PTPRM: variants seen among roughly 807,000 people sequenced by gnomAD.
PTPRM encodes receptor-type tyrosine-protein phosphatase mu.
Under a neutral mutation model 186.7 loss-of-function variants are expected in PTPRM, and 47 were observed. The ratio of observed to expected loss-of-function variants is 0.25; its 90% confidence interval spans 0.20 to 0.32. PTPRM has a LOEUF of 0.32. Among genes scored for constraint, PTPRM ranks in the 10% least tolerant of loss-of-function variants. The pLI is 1.00. For synonymous variants in PTPRM, 668 were observed against 674.9 expected, an observed-to-expected ratio of 0.99 and a Z score of 0.16; for missense variants, 1,494 against 1,865.0, an observed-to-expected ratio of 0.80 and a Z score of 3.66.
chr18:7,667,241 C>A (rs2039116819), intron 1 of PTPRM, among the ~76,000 whole-genome samples: 1 of 152,238 alleles, frequency 6.6e-6, no homozygotes, highest in African/African-American at 2.4e-5. Flanking sequence ...GAATATGAAG[C>A]AGCAGGAAAA....
chr18:8,181,893 G>A (rs1485366790), intron 14 of PTPRM, among the ~76,000 whole-genome samples: 1 of 152,070 alleles, frequency 6.6e-6, no homozygotes, highest in African/African-American at 2.4e-5. Context: ...AGAAAAAGTG[G>A]AACTCAAAGG....
In PTPRM at chr18:7,656,304, A is replaced by T. The variant is rs191302007; in HGVS notation, c.73+88413A>T. ...ACCTTGAGGACGTTGTGCTGAGTGAAATAAGCTGATCACAGAAAGACAAAT... is the reference window on the plus strand; with the variant it reads ...ACCTTGAGGACGTTGTGCTGAGTGATATAAGCTGATCACAGAAAGACAAAT... On this transcript the variant is annotated intron_variant, in intron 1 of 32. Coordinates refer to ENST00000580170, the MANE Select transcript of PTPRM (RefSeq NM_001105244.2). Among the ~76,000 whole-genome samples the T allele has an allele frequency of 3.9e-3, 597 of 152,348 alleles. 5 individuals are homozygous for T. The highest frequency in any genetic ancestry group is 0.014 in the African/African-American group (563 of 41,580).
intron 7 of PTPRM, among the ~76,000 whole-genome samples, chr18:8,042,755 T>C (rs917655485): frequency 6.6e-6 from 1 of 152,108 alleles, no homozygotes. Flanking sequence ...CAATACTGCC[T>C]TCAGTTTGAG....
At chr18:8,354,618 C>CAAAG (rs2095554005) in intron 23 of PTPRM, among the ~76,000 whole-genome samples, 1 of 151,642 alleles carries the variant, frequency 6.6e-6, no homozygotes, top group Admixed American at 6.6e-5. Context: ...TATTTTTAAA[C>CAAAG]TAAGTAAGGC....
intron 24 of PTPRM, among the ~76,000 whole-genome samples, chr18:8,372,056 C>CTATTTTTTTTTTTTT (rs2095665718): frequency 1.7e-5 from 1 of 59,060 alleles, no homozygotes; most frequent in Non-Finnish European, 3.8e-5. Context: ...ACTCTATATT[C>CTATTTTTTTTTTTTT]TTTTTTTTTT....
At chr18:7,838,941 G>T (rs900874995) in intron 2 of PTPRM, among the ~76,000 whole-genome samples, 4 of 152,104 alleles carry the variant, frequency 2.6e-5, no homozygotes, top group Admixed American at 6.5e-5. Context: ...TCATTCCATC[G>T]CCACAGCCAC....
Position 7,890,474 on chromosome 18 carries a change from TACA to T in PTPRM, c.468+2102_468+2104del, listed in dbSNP as rs2049014961. Reference sequence around the variant, plus strand: ...TAATTTATCTTTGTAGGCATATACCTACAACAATTTCTAGGATTTAATGAGTGA... The same window carrying T: ...TAATTTATCTTTGTAGGCATATACCTACAATTTCTAGGATTTAATGAGTGA... On this transcript the variant is annotated intron_variant, in intron 3 of 32. Transcript: ENST00000580170. Among the ~76,000 whole-genome samples the T allele has an allele frequency of 2.0e-5, 3 of 152,210 alleles. No homozygotes were observed. The South Asian group carries it at 6.2e-4, about 32-fold the overall frequency.
intron 1 of PTPRM, among the ~76,000 whole-genome samples, chr18:7,766,988 T>C (rs1474659811): frequency 2.0e-5 from 3 of 152,220 alleles, no homozygotes; most frequent in Non-Finnish European, 4.4e-5. Context: ...ATAAAAGTCT[T>C]ACTGGTTGTG....
intron 15 of PTPRM, 100 bp from the exon 16 acceptor site, chr18:8,247,745 C>T (rs534404635): frequency 2.2e-5 from 18 of 815,220 alleles, no homozygotes; most frequent in South Asian, 8.9e-5. Flanking sequence ...CCGGAGTCAC[C>T]GTGGGTAGCA....
At chr18:8,358,613 AG>A (rs1266887797) in intron 23 of PTPRM, among the ~76,000 whole-genome samples, 2 of 152,190 alleles carry the variant, frequency 1.3e-5, no homozygotes, top group Admixed American at 1.3e-4. Context: ...CGCCTACTTT[AG>A]GCAAAAGCCA....
chr18:8,150,564 T>C (rs1263985902), intron 14 of PTPRM, among the ~76,000 whole-genome samples: 13 of 152,184 alleles, frequency 8.5e-5, no homozygotes, highest in Non-Finnish European at 1.9e-4. Context: ...TTCTCAAGGT[T>C]CTTAGCTTCC....
At chr18:8,288,258 G>C (rs530872301) in intron 19 of PTPRM, among the ~76,000 whole-genome samples, 135 of 152,248 alleles carry the variant, frequency 8.9e-4, no homozygotes, top group African/African-American at 3.0e-3. Flanking sequence ...GCCCCTGAAG[G>C]GGGGTGCCAA....
At chr18:7,764,228 G>T in intron 1 of PTPRM, among the ~76,000 whole-genome samples, 1 of 152,108 alleles carries the variant, frequency 6.6e-6, no homozygotes, top group Non-Finnish European at 1.5e-5. Context: ...GAGGAATACA[G>T]TACAACTCAT....
chr18:8,028,838 A>G (rs2085747807), intron 7 of PTPRM, among the ~76,000 whole-genome samples: 2 of 152,222 alleles, frequency 1.3e-5, no homozygotes, highest in Non-Finnish European at 1.5e-5. Flanking sequence ...TCATGAATGT[A>G]GTCATGACAG....
At chr18:8,369,519 G>C (rs562835293) in intron 23 of PTPRM, among the ~76,000 whole-genome samples, 4 of 152,324 alleles carry the variant, frequency 2.6e-5, no homozygotes, top group Non-Finnish European at 4.4e-5. Context: ...GAAGGAATGG[G>C]TTGGTTAAGG....
chr18:8,090,157 T>A (rs913472324), intron 11 of PTPRM, among the ~76,000 whole-genome samples: 1 of 152,176 alleles, frequency 6.6e-6, no homozygotes, highest in African/African-American at 2.4e-5. Flanking sequence ...ACTAATCCAA[T>A]GGACCCAAGG....
chr18:7,625,595 C>T lies in PTPRM; in HGVS notation c.73+57704C>T, dbSNP rs544812288. On this transcript the variant is annotated intron_variant, in intron 1 of 32. Transcript: ENST00000580170. Reference sequence around the variant, plus strand: ...TGTCACCCAGACTGGAGTGCAGTGGCGTGATCTCGGCTCACTGCAACCTCC... The same window carrying T: ...TGTCACCCAGACTGGAGTGCAGTGGTGTGATCTCGGCTCACTGCAACCTCC... 5.7e-4 allele frequency among the ~76,000 whole-genome samples: 87 copies of T among 152,014 alleles called. 1 individual carries two copies. The highest frequency in any genetic ancestry group is 1.1e-3 in the Non-Finnish European group (74 of 67,996).
At chr18:7,764,305 A>G (rs757173325) in intron 1 of PTPRM, among the ~76,000 whole-genome samples, 2 of 152,236 alleles carry the variant, frequency 1.3e-5, no homozygotes, top group Admixed American at 1.3e-4. Context: ...TAAAAAGGTC[A>G]GTATATGCAT....
chr18:8,249,962 T>C (rs1014246653), intron 17 of PTPRM, among the ~76,000 whole-genome samples: 2 of 151,954 alleles, frequency 1.3e-5, no homozygotes, highest in Non-Finnish European at 2.9e-5. Context: ...TGTGAATCTA[T>C]GTATTGAGTA....
Sources: gnomAD v4.1 joint callset for allele counts (sites outside exome capture counted in the v4.1 genomes callset) on GRCh38, gnomAD v4.1.1 for gene constraint, MANE v1.5 for transcripts, NCBI Gene and HGNC (gene_info 2026-07-23, HGNC 2026-07-21) for gene names.